The following FAR2 variants were observed in gnomAD, a reference collection of about 807,000 sequenced individuals.
FAR2 encodes the protein fatty acyl-CoA reductase 2, also known as epididymis secretory protein Li 81.
FAR2 carries 19 observed loss-of-function variants against 56.0 expected under a neutral mutation model. The ratio of observed to expected loss-of-function variants is 0.34; its 90% confidence interval spans 0.24 to 0.50. The LOEUF (loss-of-function observed/expected upper bound fraction) is 0.50. FAR2 is among the 20% of genes least tolerant of loss of function. The pLI is 0.98. For synonymous variants in FAR2, 219 were observed against 218.8 expected (o/e 1.00, Z -0.01); for missense variants, 508 against 642.2 (o/e 0.79, Z 2.26).
At chr12:29,228,044 A>G (rs1162083367) in intron 1 of FAR2, among the ~76,000 whole-genome samples, 2 of 151,978 alleles carry the variant, frequency 1.3e-5, no homozygotes, top group African/African-American at 2.4e-5. Context: ...TGATGAGTTA[A>G]TGGGTGCAGC....
At chr12:29,320,028 C>T (rs984850206) in intron 9 of FAR2, among the ~76,000 whole-genome samples, 4 of 151,898 alleles carry the variant, frequency 2.6e-5, no homozygotes, top group African/African-American at 4.8e-5. Flanking sequence ...ATAGTGAGAC[C>T]CCATCACTAC....
chr12:29,322,857 G>T (rs533199589), intron 10 of FAR2, among the ~76,000 whole-genome samples: 1 of 152,170 alleles, frequency 6.6e-6, no homozygotes, highest in Non-Finnish European at 1.5e-5. Flanking sequence ...ACTAGGAAAG[G>T]GAATTCCCTG....
At chr12:29,298,265 C>T (rs1450840535) in intron 4 of FAR2, among the ~76,000 whole-genome samples, 1 of 148,688 alleles carries the variant, frequency 6.7e-6, no homozygotes, top group Non-Finnish European at 1.5e-5. Flanking sequence ...CTTCTTTATT[C>T]TTCTGCTCCA....
chr12:29,154,225 A>G (rs1185254978), intron 1 of FAR2, among the ~76,000 whole-genome samples: 3 of 152,078 alleles, frequency 2.0e-5, no homozygotes, highest in African/African-American at 7.2e-5. Context: ...CCAAAACATA[A>G]TTTACTCCCC....
rs575450518 is a variant in FAR2, at chr12:29,250,943, A to T, written c.-38-19469A>T. Among the ~76,000 whole-genome samples the T allele has an allele frequency of 2.6e-5, 4 of 152,278 alleles. No homozygotes were observed. The East Asian group carries it at 7.7e-4, about 29-fold the overall frequency. On this transcript the variant is annotated intron_variant, in intron 1 of 11. Transcript: ENST00000536681. The stretch of plus-strand genomic sequence containing the variant: ...ACCTAACTGCAATGGGAGTAATTGG[A>T]TCCTAGGGTGGCAGGGGCCAAGTAG...
At chr12:29,172,477 C>G (rs1949897288) in intron 1 of FAR2, among the ~76,000 whole-genome samples, 1 of 152,220 alleles carries the variant, frequency 6.6e-6, no homozygotes, top group African/African-American at 2.4e-5. Context: ...CTCTGAACCA[C>G]TGAGGTTTGT....
intron 1 of FAR2, among the ~76,000 whole-genome samples, chr12:29,243,367 T>G (rs1212592430): frequency 3.3e-5 from 5 of 152,344 alleles, no homozygotes; most frequent in Admixed American, 3.3e-4. Context: ...GGATTGTTTA[T>G]TACAGATAAG....
intron 1 of FAR2, among the ~76,000 whole-genome samples, chr12:29,254,949 T>G (rs1481411989): frequency 1.0e-5 from 1 of 98,184 alleles, no homozygotes; most frequent in Non-Finnish European, 2.3e-5. Flanking sequence ...CAAGACTGTC[T>G]CAAAAAAAAA....
chr12:29,210,984 C>T (rs1040435554), intron 1 of FAR2, among the ~76,000 whole-genome samples: 1 of 151,786 alleles, frequency 6.6e-6, no homozygotes, highest in African/African-American at 2.4e-5. Flanking sequence ...GTGGGAGAGT[C>T]ATTTACTACT....
rs561076435 is a variant in FAR2, at chr12:29,163,565, A to G, written c.-39+14158A>G. On this transcript the variant is annotated intron_variant, in intron 1 of 11. Transcript: ENST00000536681. ...ATCTTTAAAGTTCCTTTCCACTCTC[A>G]TGTCCTATGATTCTGCAGCTTCTGC... Among the ~76,000 whole-genome samples, 4 of 152,360 alleles carry G rather than the reference A, an allele frequency of 2.6e-5. No homozygotes were observed. The East Asian group carries it at 7.7e-4, about 29-fold the overall frequency.
At chr12:29,177,451 G>A (rs1949949456) in intron 1 of FAR2, among the ~76,000 whole-genome samples, 2 of 152,186 alleles carry the variant, frequency 1.3e-5, no homozygotes, top group Non-Finnish European at 2.9e-5. Flanking sequence ...GTGGATAGAA[G>A]AATGATGTCA....
At chr12:29,149,937 A>G (rs1949668645) in intron 1 of FAR2, among the ~76,000 whole-genome samples, 1 of 152,084 alleles carries the variant, frequency 6.6e-6, no homozygotes. Context: ...GGTCCTCGCC[A>G]GCCCCCAGCC....
intron 1 of FAR2, among the ~76,000 whole-genome samples, chr12:29,177,567 G>A (rs557037479): frequency 6.6e-6 from 1 of 152,232 alleles, no homozygotes; most frequent in South Asian, 2.1e-4. Context: ...CCGACAGATG[G>A]AGAAGTAATA....
chr12:29,191,867 C>G (rs986914812), intron 1 of FAR2, among the ~76,000 whole-genome samples: 2 of 152,182 alleles, frequency 1.3e-5, no homozygotes, highest in Non-Finnish European at 2.9e-5. Context: ...AAAATCTCAT[C>G]CACTCCTAGC....
intron 1 of FAR2, among the ~76,000 whole-genome samples, chr12:29,235,594 C>G (rs1262037624): frequency 1.3e-5 from 2 of 152,120 alleles, no homozygotes; most frequent in Non-Finnish European, 2.9e-5. Flanking sequence ...AATGGCTGAG[C>G]TTTTTTCTCC....
chr12:29,186,943 C>T (rs1207409032), intron 1 of FAR2, among the ~76,000 whole-genome samples: 2 of 152,088 alleles, frequency 1.3e-5, no homozygotes, highest in South Asian at 2.1e-4. Flanking sequence ...CGCCCGCCAC[C>T]ACAACCGGCT....
intron 1 of FAR2, among the ~76,000 whole-genome samples, chr12:29,170,444 G>T (rs1033930411): frequency 2.0e-5 from 3 of 152,240 alleles, no homozygotes; most frequent in African/African-American, 7.2e-5. Context: ...CAACAAGGTG[G>T]TACTGGAGTA....
chr12:29,281,484 C>T (rs1948782269), intron 2 of FAR2: 1 of 152,124 alleles, frequency 6.6e-6, no homozygotes, highest in African/African-American at 2.4e-5. Flanking sequence ...TGGCTGTCAC[C>T]TCTGAAGTGG....
intron 1 of FAR2, among the ~76,000 whole-genome samples, chr12:29,160,825 C>G (rs1042875624): frequency 2.0e-5 from 3 of 152,016 alleles, no homozygotes; most frequent in Admixed American, 2.0e-4. Flanking sequence ...ATTAGGGACC[C>G]CCCCCCACTC....
Sources: gnomAD v4.1 joint callset for allele counts (sites outside exome capture counted in the v4.1 genomes callset) on GRCh38, gnomAD v4.1.1 for gene constraint, MANE v1.5 for transcripts, NCBI Gene and HGNC (gene_info 2026-07-23, HGNC 2026-07-21) for gene names.